Variants in RCOR1 observed in about 807,000 individuals in gnomAD.
The protein encoded by RCOR1 is REST corepressor 1, also known as REST corepressor.
Under a neutral mutation model 64.0 loss-of-function variants are expected in RCOR1, and 12 were observed. The observed-to-expected ratio is 0.19, with a 90% CI of 0.12 to 0.30. The LOEUF is 0.30. Among genes scored for constraint, RCOR1 ranks in the 10% least tolerant of loss-of-function variants. The pLI, the probability that RCOR1 is intolerant of heterozygous loss-of-function variation, is 1.00. For missense variants in RCOR1, 502 were observed against 621.2 expected (o/e 0.81, Z 2.04); for synonymous variants, 279 against 227.2 (o/e 1.23, Z -2.05).
intron 2 of RCOR1, among the ~76,000 whole-genome samples, chr14:102,627,640 G>C (rs1894007179): frequency 6.6e-6 from 1 of 150,890 alleles, no homozygotes; most frequent in Admixed American, 6.6e-5. Flanking sequence ...CTGGGCGACA[G>C]AGTGAGACTC....
intron 2 of RCOR1, among the ~76,000 whole-genome samples, chr14:102,668,361 A>G (rs998848744): frequency 2.6e-5 from 4 of 152,260 alleles, no homozygotes; most frequent in African/African-American, 9.6e-5. Flanking sequence ...ATGGAAAGCA[A>G]TTGACCGAAC....
intron 2 of RCOR1, among the ~76,000 whole-genome samples, chr14:102,609,962 A>G (rs1035918167): frequency 1.3e-5 from 2 of 152,070 alleles, no homozygotes; most frequent in Non-Finnish European, 2.9e-5. Flanking sequence ...ACATGACAAC[A>G]TGGTGAAACC....
intron 7 of RCOR1, among the ~76,000 whole-genome samples, chr14:102,712,220 T>C (rs1333597934): frequency 1.3e-5 from 2 of 152,118 alleles, no homozygotes; most frequent in African/African-American, 4.8e-5. Flanking sequence ...TCTCACTCTG[T>C]TGCCCAGGCT....
chr14:102,613,882 ATTC>A (rs1268019322), intron 2 of RCOR1, among the ~76,000 whole-genome samples: 43 of 92,410 alleles, frequency 4.7e-4, no homozygotes, highest in African/African-American at 1.8e-3. Flanking sequence ...TGAATTAACT[ATTC>A]TTTTTTTTTT....
chr14:102,600,859 C>T (rs1276742716), intron 2 of RCOR1, among the ~76,000 whole-genome samples: 4 of 151,144 alleles, frequency 2.6e-5, no homozygotes, highest in Admixed American at 1.3e-4. Flanking sequence ...CGTGAGCCAC[C>T]GCGCCCGGCT....
intron 4 of RCOR1, among the ~76,000 whole-genome samples, chr14:102,703,906 C>T (rs72702762): frequency 0.039 from 5,876 of 152,322 alleles, 162 homozygotes; most frequent in Non-Finnish European, 0.052. Context: ...TCTTCACCTC[C>T]CTGCTGCACA....
intron 2 of RCOR1, among the ~76,000 whole-genome samples, chr14:102,652,507 TA>T (rs1408359134): frequency 1.3e-5 from 2 of 152,156 alleles, no homozygotes; most frequent in African/African-American, 4.8e-5. Context: ...GTGATTATAT[TA>T]TTTGTTTCTT....
chr14:102,672,645 A>G (rs1895052722), intron 2 of RCOR1, among the ~76,000 whole-genome samples: 1 of 152,244 alleles, frequency 6.6e-6, no homozygotes, highest in African/African-American at 2.4e-5. Flanking sequence ...GATGGCCAAT[A>G]AACTTATCCA....
At chr14:102,653,245 T>C (rs188347941) in intron 2 of RCOR1, among the ~76,000 whole-genome samples, 2 of 151,658 alleles carry the variant, frequency 1.3e-5, no homozygotes, top group East Asian at 3.9e-4. Flanking sequence ...TAATTGAGAC[T>C]TGTCTTACTT....
chr14:102,676,293 A>C, intron 2 of RCOR1, among the ~76,000 whole-genome samples: 1 of 146,636 alleles, frequency 6.8e-6, no homozygotes, highest in African/African-American at 2.6e-5. Context: ...GCGGCCGGGC[A>C]GAAGCGCCCC....
At chr14:102,645,322 G>A (rs1894457828) in intron 2 of RCOR1, among the ~76,000 whole-genome samples, 1 of 152,134 alleles carries the variant, frequency 6.6e-6, no homozygotes, top group Admixed American at 6.5e-5. Context: ...GTCTGGGTTT[G>A]TTCTTTACCA....
chr14:102,692,244 A>C (rs1895548547), intron 3 of RCOR1, among the ~76,000 whole-genome samples: 1 of 152,208 alleles, frequency 6.6e-6, no homozygotes, highest in African/African-American at 2.4e-5. Context: ...ATTCTTCAGC[A>C]CATGTAAAGC....
At chr14:102,703,356 A>C (rs1016395161) in intron 4 of RCOR1, among the ~76,000 whole-genome samples, 2 of 152,258 alleles carry the variant, frequency 1.3e-5, no homozygotes, top group Non-Finnish European at 2.9e-5. Context: ...ATAAACAAAC[A>C]TCCAAGAAAC....
intron 2 of RCOR1, among the ~76,000 whole-genome samples, chr14:102,667,356 C>T (rs1236883384): frequency 6.6e-6 from 1 of 151,956 alleles, no homozygotes; most frequent in Non-Finnish European, 1.5e-5. Context: ...TGAAAACTAG[C>T]CGGGCGTGGT....
chr14:102,624,986 T>C (rs1365352156), intron 2 of RCOR1, among the ~76,000 whole-genome samples: 1 of 151,710 alleles, frequency 6.6e-6, no homozygotes, highest in Non-Finnish European at 1.5e-5. Context: ...ATCCTTAGCC[T>C]CCCAAGTAGC....
intron 2 of RCOR1, among the ~76,000 whole-genome samples, chr14:102,639,270 T>C (rs1457685804): frequency 1.3e-5 from 2 of 148,736 alleles, no homozygotes; most frequent in South Asian, 4.2e-4. Context: ...CTTTCTTTTT[T>C]TTTTTTTTTT....
chr14:102,599,898 G>T (rs572013065), intron 2 of RCOR1, among the ~76,000 whole-genome samples: 29 of 150,394 alleles, frequency 1.9e-4, no homozygotes, highest in African/African-American at 6.3e-4. Flanking sequence ...CTGCCTCCCA[G>T]ACTCAAGTGA....
At chr14:102,706,114 C>CAAAAAAAAAAAAAAAAA (rs71119732) in intron 4 of RCOR1, among the ~76,000 whole-genome samples, 6 of 21,334 alleles carry the variant, frequency 2.8e-4, no homozygotes, top group African/African-American at 7.4e-4. Flanking sequence ...AACCCTGTCT[C>CAAAAAAAAAAAAAAAAA]AAAAAAAAAA....
intron 2 of RCOR1, chr14:102,629,984 C>A: frequency 1.0e-6 from 1 of 975,390 alleles, no homozygotes; most frequent in Non-Finnish European, 1.2e-6. Flanking sequence ...GAGATGCCTC[C>A]TTATTTTGTG....
Sources: gnomAD v4.1 joint callset for allele counts (sites outside exome capture counted in the v4.1 genomes callset) on GRCh38, gnomAD v4.1.1 for gene constraint, MANE v1.5 for transcripts, NCBI Gene and HGNC (gene_info 2026-07-23, HGNC 2026-07-21) for gene names.